The following NEK11 variants were observed in gnomAD, a reference collection of about 807,000 sequenced individuals.
The protein encoded by NEK11 is NIMA related kinase 11.
In NEK11, 72 loss-of-function variants were observed where a neutral mutation model predicts 80.7. The observed-to-expected ratio is 0.89, with a 90% confidence interval of 0.74 to 1.08. The LOEUF is 1.08. Ranked by LOEUF, NEK11 falls within the 50% of genes least tolerant of loss-of-function variation. The probability of loss-of-function intolerance (pLI) is 0.00; values close to 1 mark genes in which losing one functional copy is unlikely to be tolerated. For missense variants in NEK11, 764 were observed against 763.6 expected (o/e 1.00, Z -0.01); for synonymous variants, 251 against 260.7 (o/e 0.96, Z 0.36).
chr3:131,265,666 C>T (rs943938234), intron 16 of NEK11, among the ~76,000 whole-genome samples: 3 of 152,060 alleles, frequency 2.0e-5, no homozygotes, highest in African/African-American at 7.2e-5. Flanking sequence ...GGATATTGGC[C>T]TGAAATTTTC....
intron 4 of NEK11, among the ~76,000 whole-genome samples, chr3:131,091,986 G>T (rs1347826170): frequency 1.3e-5 from 2 of 152,174 alleles, no homozygotes; most frequent in East Asian, 3.8e-4. Context: ...GCCTGTGATT[G>T]GCTGAAACTC....
chr3:131,322,257 A>T (rs1335285640), intron 17 of NEK11, among the ~76,000 whole-genome samples: 1 of 152,198 alleles, frequency 6.6e-6, no homozygotes, highest in Non-Finnish European at 1.5e-5. Context: ...CAGATACCAC[A>T]TGTTGTCACT....
At chr3:131,090,877 A>G (rs13097525) in intron 4 of NEK11, among the ~76,000 whole-genome samples, 28,010 of 151,862 alleles carry the variant, frequency 0.18, 2,646 homozygotes, top group Middle Eastern at 0.22. Flanking sequence ...TGCTCTTCCC[A>G]CTCCACGCTC....
chr3:131,036,246 A>G (rs962975441), intron 3 of NEK11, among the ~76,000 whole-genome samples: 2 of 152,242 alleles, frequency 1.3e-5, no homozygotes, highest in East Asian at 3.8e-4. Flanking sequence ...ATAAAGTGAA[A>G]AAACCCACAT....
At chr3:131,270,547 A>G (rs2096162175) in intron 16 of NEK11, among the ~76,000 whole-genome samples, 1 of 152,244 alleles carries the variant, frequency 6.6e-6, no homozygotes, top group Non-Finnish European at 1.5e-5. Context: ...TATGATTGTT[A>G]AATGAATTGT....
At chr3:131,287,316 C>T (rs549442124) in intron 17 of NEK11, among the ~76,000 whole-genome samples, 10 of 152,134 alleles carry the variant, frequency 6.6e-5, no homozygotes, top group Admixed American at 1.3e-4. Context: ...CTCTGTCATC[C>T]GGGCTGGGGT....
chr3:131,152,400 C>A lies in NEK11; in HGVS notation c.660C>A (p.Cys220Ter). ...DTKSDIWSLA[C>*]ILYEMCCMNH... is the part of the protein sequence containing the mutation. ...ACTTTGTCTTCAGGTCACTGGCATG[C>A]ATTTTGTATGAGATGTGCTGCATGA... The change falls in exon 8 of 18, where the codon TGC becomes TGA. Residue 220 changes from cysteine to a stop codon, truncating the protein, a stop_gained. Transcript: ENST00000383366. LOFTEE classifies it high-confidence loss of function. The A allele has an allele frequency of 6.3e-7, 1 of 1,600,000 alleles. No homozygotes were observed. Among genetic ancestry groups the A allele is most frequent in the Non-Finnish European group, 8.5e-7 (1 of 1,174,580 alleles).
intron 14 of NEK11, among the ~76,000 whole-genome samples, chr3:131,207,712 G>T (rs569405991): frequency 2.0e-5 from 3 of 152,262 alleles, no homozygotes; most frequent in Non-Finnish European, 2.9e-5. Context: ...TTCTCTGATG[G>T]CCAGTGATGA....
intron 15 of NEK11, among the ~76,000 whole-genome samples, chr3:131,230,888 G>C (rs541051051): frequency 6.6e-6 from 1 of 152,252 alleles, no homozygotes; most frequent in South Asian, 2.1e-4. Context: ...GGTTTCCCCA[G>C]TACTGTTCTC....
At chr3:131,264,251 C>T (rs545152443) in intron 16 of NEK11, among the ~76,000 whole-genome samples, 1 of 152,238 alleles carries the variant, frequency 6.6e-6, no homozygotes, top group African/African-American at 2.4e-5. Context: ...GCTTTGTTGC[C>T]ATTGCTTTTG....
At chr3:131,034,608 C>T (rs999260182) in intron 3 of NEK11, among the ~76,000 whole-genome samples, 6 of 152,252 alleles carry the variant, frequency 3.9e-5, no homozygotes, top group African/African-American at 7.2e-5. Context: ...ACCGTGGTCT[C>T]GATCTCCTGA....
intron 17 of NEK11, among the ~76,000 whole-genome samples, chr3:131,287,267 GTTTC>G (rs1268821706): frequency 1.3e-5 from 2 of 152,214 alleles, no homozygotes; most frequent in East Asian, 3.9e-4. Context: ...GTCCAAAGAT[GTTTC>G]TTTGTTTGTT....
chr3:131,124,550 A>ATGGG (rs2082961280), intron 5 of NEK11, among the ~76,000 whole-genome samples: 2 of 152,074 alleles, frequency 1.3e-5, no homozygotes, highest in African/African-American at 4.8e-5. Flanking sequence ...GAGCCTCCCC[A>ATGGG]GAGGCTCATG....
At chr3:131,115,902 TTTTCTTTC>T (rs201604189) in intron 5 of NEK11, among the ~76,000 whole-genome samples, 3,886 of 70,150 alleles carry the variant, frequency 0.055, 326 homozygotes, top group Middle Eastern at 0.062. Context: ...AAAGGTAGTG[TTTTCTTTC>T]TTTCTTTCTT....
intron 3 of NEK11, among the ~76,000 whole-genome samples, chr3:131,062,188 A>G (rs2071006200): frequency 1.3e-5 from 2 of 152,216 alleles, no homozygotes; most frequent in East Asian, 1.9e-4. Context: ...GTGACAGAAC[A>G]TGTGTGTAGC....
At chr3:131,302,842 G>A (rs772385747) in intron 17 of NEK11, among the ~76,000 whole-genome samples, 72 of 152,252 alleles carry the variant, frequency 4.7e-4, no homozygotes, top group Non-Finnish European at 8.2e-4. Context: ...GGGGTGGAGA[G>A]TTCTGTAGAT....
intron 17 of NEK11, among the ~76,000 whole-genome samples, chr3:131,310,336 C>T (rs1280946244): frequency 1.3e-5 from 2 of 152,014 alleles, no homozygotes; most frequent in Non-Finnish European, 2.9e-5. Context: ...TTTTCAGGTG[C>T]CCATAGGTTT....
chr3:131,094,877 G>A (rs1389820661), intron 4 of NEK11, among the ~76,000 whole-genome samples: 1 of 152,146 alleles, frequency 6.6e-6, no homozygotes, highest in East Asian at 1.9e-4. Context: ...CAGCCTGCCA[G>A]TATTTTTTAA....
chr3:131,276,331 C>G (rs963141905), intron 17 of NEK11, among the ~76,000 whole-genome samples: 1 of 152,168 alleles, frequency 6.6e-6, no homozygotes, highest in Non-Finnish European at 1.5e-5. Flanking sequence ...AGGAAGCAGA[C>G]TGGTCAGGGA....
Sources: allele counts gnomAD v4.1 joint callset (sites outside exome capture counted in the v4.1 genomes callset), GRCh38; gene constraint gnomAD v4.1.1; transcripts MANE v1.5; gene names NCBI Gene and HGNC (gene_info 2026-07-23, HGNC 2026-07-21).